NOL4L: variants seen among roughly 807,000 people sequenced by gnomAD.
The protein encoded by NOL4L is nucleolar protein 4-like.
A neutral mutation model predicts 64.5 loss-of-function variants in NOL4L; 7 were observed. That is an observed-to-expected ratio of 0.11 (90% CI 0.06 to 0.20). The LOEUF is 0.20. Ranked by LOEUF, NOL4L falls within the 10% of genes least tolerant of loss-of-function variation. The pLI is 1.00. For missense variants in NOL4L, 680 were observed against 967.1 expected (o/e 0.70, Z 3.94); for synonymous variants, 413 against 401.0 (o/e 1.03, Z -0.36).
intron 1 of NOL4L, chr20:32,535,965 AGGAGGGTGCT>A: frequency 1.0e-6 from 1 of 985,730 alleles, no homozygotes. Context: ...GAGGGTCCAC[AGGAGGGTGCT>A]GTAGAGGTGA....
chr20:32,500,080 G>A (rs2016856085), intron 4 of NOL4L, among the ~76,000 whole-genome samples: 1 of 146,232 alleles, frequency 6.8e-6, no homozygotes, highest in African/African-American at 2.8e-5. Context: ...GTCAGCATAA[G>A]CTCCAAATGG....
At chr20:32,475,713 A>G (rs542195381) in intron 4 of NOL4L, among the ~76,000 whole-genome samples, 6 of 152,068 alleles carry the variant, frequency 3.9e-5, no homozygotes, top group East Asian at 1.9e-4. Flanking sequence ...GCAAGACACA[A>G]TGGCCTCTGT....
chr20:32,525,788 C>CA (rs1269611429), intron 2 of NOL4L, among the ~76,000 whole-genome samples: 7 of 152,122 alleles, frequency 4.6e-5, no homozygotes, highest in Non-Finnish European at 1.0e-4. Context: ...GACAGAGTCT[C>CA]ACTCTGTCAC....
chr20:32,471,420 G>A (rs1419120877), intron 5 of NOL4L, among the ~76,000 whole-genome samples: 3 of 152,186 alleles, frequency 2.0e-5, no homozygotes, highest in Non-Finnish European at 4.4e-5. Context: ...CTCCCGGGGA[G>A]TGAGAGCTGG....
rs1018665812 is a variant in NOL4L, at chr20:32,463,779, C to CA, written c.842-7385dup. ...ACAAGCCCAGCTCTGTGCGAACCAC[C>CA]AATCGCCACACCGCGCTCTGGGGCC... On this transcript the variant is annotated intron_variant, in intron 5 of 10. Transcript: ENST00000621426. This position sits in a 1 kb window ranked among gnomAD's most constrained non-coding sequence, Gnocchi z 5.8. Among the ~76,000 whole-genome samples, 14 of 152,124 alleles carry CA rather than the reference C, an allele frequency of 9.2e-5. No homozygotes were observed. Among genetic ancestry groups the CA allele is most frequent in the Non-Finnish European group, 8.8e-5 (6 of 68,018 alleles).
rs139226054 is a variant in NOL4L, at chr20:32,453,689, C to T, written c.1192G>A (p.Val398Met). 2 of 1,566,636 alleles carry T rather than the reference C, an allele frequency of 1.3e-6. No individual in the cohort carries two copies. Among genetic ancestry groups the T allele is most frequent in the Non-Finnish European group, 1.7e-6 (2 of 1,155,566 alleles). ...EVSGCPEDLT[V>M]GRAPTADDDD... Reference sequence around the variant, plus strand: ...TCATCTGCCGTCGGGGCCCGGCCCACTGTCAGGTCCTCAGGGCAGCCGCTG... The same window carrying T: ...TCATCTGCCGTCGGGGCCCGGCCCATTGTCAGGTCCTCAGGGCAGCCGCTG... The change falls in exon 7 of 11, where the codon GTG becomes ATG. Residue 398 changes from valine to methionine, a missense_variant. Physicochemically the swap from Val to Met is conservative, Grantham distance 21 (BLOSUM62 1). Coordinates refer to ENST00000621426, the MANE Select transcript of NOL4L (RefSeq NM_001256798.2). The surrounding 1 kb of genome is among the most constrained non-coding windows in gnomAD (Gnocchi z 5.6).
At chr20:32,476,998 C>T (rs777710574) in intron 4 of NOL4L, among the ~76,000 whole-genome samples, 2 of 152,208 alleles carry the variant, frequency 1.3e-5, no homozygotes, top group Non-Finnish European at 2.9e-5. Flanking sequence ...CTGCTGTGGG[C>T]AGGCATGGGC....
intron 4 of NOL4L, among the ~76,000 whole-genome samples, chr20:32,480,556 T>C (rs555178963): frequency 4.6e-5 from 7 of 152,278 alleles, no homozygotes; most frequent in African/African-American, 1.7e-4. Context: ...TCTGGACACC[T>C]GTAGGCCCCT....
chr20:32,521,243 T>C (rs2017921265), intron 2 of NOL4L, among the ~76,000 whole-genome samples: 1 of 152,188 alleles, frequency 6.6e-6, no homozygotes, highest in African/African-American at 2.4e-5. Context: ...TACAAAAAAA[T>C]GGGCTTACAA....
intron 4 of NOL4L, among the ~76,000 whole-genome samples, chr20:32,482,461 C>A (rs1391882453): frequency 6.6e-6 from 1 of 152,102 alleles, no homozygotes; most frequent in Non-Finnish European, 1.5e-5. Flanking sequence ...TGCTCCCGAG[C>A]GGCTGGAATA....
chr20:32,506,672 A>T (rs1429269486), intron 4 of NOL4L, among the ~76,000 whole-genome samples: 1 of 152,030 alleles, frequency 6.6e-6, no homozygotes, highest in Non-Finnish European at 1.5e-5. Flanking sequence ...CAAATAAATA[A>T]ATAAATAAGC....
chr20:32,570,703 G>A (rs577627913), intron 1 of NOL4L, among the ~76,000 whole-genome samples: 37 of 152,282 alleles, frequency 2.4e-4, no homozygotes, highest in African/African-American at 8.4e-4. Context: ...TCTTACCTCT[G>A]CCTCTCTTTT....
Position 32,554,882 on chromosome 20 carries a change from G to A in NOL4L, c.322-26969C>T, listed in dbSNP as rs148498588. ...AGCTGGCATGGGGCAAGACATTTTA[G>A]AAGTATGTGACCACATTCCAGCTCC... On this transcript the variant is annotated intron_variant, in intron 1 of 10. Transcript: ENST00000621426. Among the ~76,000 whole-genome samples the A allele has an allele frequency of 3.0e-3, 455 of 152,276 alleles. 2 individuals carry two copies. The highest frequency in any genetic ancestry group is 0.01 in the African/African-American group (427 of 41,542).
chr20:32,455,910 G>A (rs1293939683), intron 6 of NOL4L, among the ~76,000 whole-genome samples: 1 of 152,166 alleles, frequency 6.6e-6, no homozygotes, highest in Admixed American at 6.5e-5. Flanking sequence ...GCTCGGAGAA[G>A]GGGGCCTGGC....
intron 1 of NOL4L, among the ~76,000 whole-genome samples, chr20:32,550,069 T>C (rs903722895): frequency 1.3e-5 from 2 of 152,240 alleles, no homozygotes; most frequent in South Asian, 4.1e-4. Context: ...AATGGAATAT[T>C]ATCAGCAATA....
At position 32,465,011 on chromosome 20, in the gene NOL4L, G is replaced by A. The variant is rs771789145; in HGVS notation, c.842-8616C>T. 6.5e-6 allele frequency: 4 copies of A among 619,956 alleles called. No individual in the cohort carries two copies. The South Asian group carries it at 7.5e-5, about 12-fold the overall frequency. 38.4% of individuals were successfully genotyped at this position (619,956 alleles called of 1,614,324 possible). A position where few individuals can be genotyped will look rare whatever the true frequency, so the allele number is the denominator to read the frequency against. Reference sequence around the variant, plus strand: ...CACACCTAGATCTTCCCCTAAAACTGAAATCATTTCTCTCTGCAGAGACCC... The same window carrying A: ...CACACCTAGATCTTCCCCTAAAACTAAAATCATTTCTCTCTGCAGAGACCC... On this transcript the variant is annotated intron_variant, in intron 5 of 10. Coordinates refer to ENST00000621426, the MANE Select transcript of NOL4L (RefSeq NM_001256798.2).
At chr20:32,469,464 C>T (rs1223837981) in intron 5 of NOL4L, among the ~76,000 whole-genome samples, 6 of 151,582 alleles carry the variant, frequency 4.0e-5, no homozygotes, top group South Asian at 2.1e-4. Flanking sequence ...CTCCGCCTCC[C>T]GGGTTCAAGC....
chr20:32,490,645 C>A (rs1204893321), intron 4 of NOL4L, among the ~76,000 whole-genome samples: 2 of 152,194 alleles, frequency 1.3e-5, no homozygotes, highest in Non-Finnish European at 2.9e-5. Context: ...TTTCCTCATT[C>A]TTCTCTATTT....
chr20:32,496,912 C>T (rs964810555), intron 4 of NOL4L, among the ~76,000 whole-genome samples: 9 of 151,970 alleles, frequency 5.9e-5, no homozygotes, highest in Admixed American at 2.6e-4. Context: ...TCTGGTCGGC[C>T]GTGAGCAGCA....
Sources: allele counts gnomAD v4.1 joint callset (sites outside exome capture counted in the v4.1 genomes callset), GRCh38; gene constraint gnomAD v4.1.1; non-coding constraint Gnocchi (gnomAD v3.1); transcripts MANE v1.5; gene names NCBI Gene and HGNC (gene_info 2026-07-23, HGNC 2026-07-21).